FGF14: variants seen among roughly 807,000 people sequenced by gnomAD.
FGF14 encodes fibroblast growth factor homologous factor 4.
Under a neutral mutation model 25.5 loss-of-function variants are expected in FGF14, and 5 were observed. The observed-to-expected ratio is 0.20, with a 90% CI of 0.10 to 0.41. The LOEUF (loss-of-function observed/expected upper bound fraction) is 0.41, where lower values mean the gene tolerates loss of function less well. Ranked by LOEUF, FGF14 falls within the 10% of genes least tolerant of loss-of-function variation. The pLI, the probability that FGF14 is intolerant of heterozygous loss-of-function variation, is 1.00. For missense variants in FGF14, 222 were observed against 320.1 expected (o/e 0.69, Z 2.34); for synonymous variants, 138 against 118.3 (o/e 1.17, Z -1.08).
intron 1 of FGF14, among the ~76,000 whole-genome samples, chr13:102,300,995 A>G (rs1321154195): frequency 6.6e-6 from 1 of 151,978 alleles, no homozygotes; most frequent in Non-Finnish European, 1.5e-5. Context: ...CAAATTGATA[A>G]TCACTATATA....
chr13:101,833,396 A>C (rs924178139), intron 3 of FGF14, among the ~76,000 whole-genome samples: 5 of 152,112 alleles, frequency 3.3e-5, no homozygotes, highest in Non-Finnish European at 5.9e-5. Flanking sequence ...TATTTTCAAC[A>C]GCGTTGACTG....
chr13:101,940,865 A>C (rs2035405154), intron 1 of FGF14, among the ~76,000 whole-genome samples: 1 of 152,220 alleles, frequency 6.6e-6, no homozygotes, highest in African/African-American at 2.4e-5. Context: ...TTTTTTAAAA[A>C]ATATTTTTCA....
intron 3 of FGF14, among the ~76,000 whole-genome samples, chr13:101,868,059 A>G (rs931838429): frequency 2.0e-5 from 3 of 152,136 alleles, no homozygotes; most frequent in African/African-American, 7.2e-5. Context: ...TGCATTTAAG[A>G]CTTTATCAAT....
intron 1 of FGF14, among the ~76,000 whole-genome samples, chr13:102,119,803 A>C (rs1777203386): frequency 6.6e-6 from 1 of 152,222 alleles, no homozygotes; most frequent in East Asian, 1.9e-4. Flanking sequence ...TTATTGTTCC[A>C]GTTTTTAAAT....
At chr13:102,330,299 G>A (rs186572829) in intron 1 of FGF14, among the ~76,000 whole-genome samples, 26 of 152,190 alleles carry the variant, frequency 1.7e-4, no homozygotes, top group Admixed American at 1.1e-3. Context: ...CCTATCCGCT[G>A]CCTTCCTTCC....
chr13:102,097,575 A>C (rs1180141923), intron 1 of FGF14, among the ~76,000 whole-genome samples: 1 of 152,146 alleles, frequency 6.6e-6, no homozygotes, highest in Non-Finnish European at 1.5e-5. Context: ...AAAGAGTCCA[A>C]AATCTTAGAC....
intron 1 of FGF14, among the ~76,000 whole-genome samples, chr13:102,273,902 C>A (rs1470650742): frequency 2.1e-5 from 3 of 141,710 alleles, no homozygotes; most frequent in African/African-American, 5.3e-5. Flanking sequence ...TTGCACCACT[C>A]TACTCCAACC....
chr13:102,056,087 T>G (rs1186491530), intron 1 of FGF14, among the ~76,000 whole-genome samples: 1 of 152,204 alleles, frequency 6.6e-6, no homozygotes, highest in Non-Finnish European at 1.5e-5. Flanking sequence ...AGGATGAGAT[T>G]TGGGTGGGGA....
intron 3 of FGF14, among the ~76,000 whole-genome samples, chr13:101,792,425 C>CT (rs1223487057): frequency 1.3e-5 from 2 of 152,178 alleles, no homozygotes; most frequent in African/African-American, 4.8e-5. Flanking sequence ...TCATCACTGC[C>CT]TATCTTGAGG....
At chr13:101,771,369 C>T (rs1048494609) in intron 3 of FGF14, among the ~76,000 whole-genome samples, 1 of 120,312 alleles carries the variant, frequency 8.3e-6, no homozygotes, top group East Asian at 2.0e-4. Context: ...TGAAAAATGC[C>T]CCCCCACCCA....
At chr13:101,973,809 C>A (rs1566518121) in intron 1 of FGF14, among the ~76,000 whole-genome samples, 1 of 152,202 alleles carries the variant, frequency 6.6e-6, no homozygotes, top group Non-Finnish European at 1.5e-5. Context: ...CTCACAGACA[C>A]ACCCAGGATC....
At chr13:101,927,472 A>C (rs2034444316) in intron 1 of FGF14, among the ~76,000 whole-genome samples, 1 of 152,192 alleles carries the variant, frequency 6.6e-6, no homozygotes, top group Admixed American at 6.5e-5. Context: ...ATTTAGTTCT[A>C]GCAGGACAAG....
chr13:101,826,601 A>G (rs2042404004), intron 3 of FGF14, among the ~76,000 whole-genome samples: 1 of 152,060 alleles, frequency 6.6e-6, no homozygotes, highest in South Asian at 2.1e-4. Flanking sequence ...TTCTAATTAA[A>G]ATAAATAGAA....
At chr13:102,020,009 G>A (rs906555628) in intron 1 of FGF14, among the ~76,000 whole-genome samples, 1 of 152,090 alleles carries the variant, frequency 6.6e-6, no homozygotes, top group African/African-American at 2.4e-5. Flanking sequence ...AGACTGCATT[G>A]TGTAACATAT....
chr13:102,247,945 T>C (rs2051966561), intron 1 of FGF14, among the ~76,000 whole-genome samples: 1 of 152,148 alleles, frequency 6.6e-6, no homozygotes. Context: ...TGCAGGAATG[T>C]GGATGGAGCT....
chr13:102,188,260 A>G (rs1016562166), intron 1 of FGF14, among the ~76,000 whole-genome samples: 1 of 152,238 alleles, frequency 6.6e-6, no homozygotes, highest in Non-Finnish European at 1.5e-5. Context: ...CATGTTATGA[A>G]TAACATAAAA....
chr13:101,912,386 C>A (rs978287082), intron 1 of FGF14, among the ~76,000 whole-genome samples: 18 of 152,084 alleles, frequency 1.2e-4, no homozygotes, highest in African/African-American at 4.3e-4. Flanking sequence ...AGCAGCCATG[C>A]CAAAGATTTA....
chr13:102,149,362 A>C (rs7984579), intron 1 of FGF14, among the ~76,000 whole-genome samples: 4,262 of 152,224 alleles, frequency 0.028, 213 homozygotes, highest in African/African-American at 0.098. Flanking sequence ...GAAGGATAAG[A>C]TAAAATAAGT....
rs552150132 is a variant in FGF14 at position 101,984,826 on chromosome 13, G to C, written c.209-109530C>G. ...GTGATATTTGTGGGGACACAGGCTT[G>C]AGTTGTGAAAATATTACAATTATAT... is the stretch of plus-strand genomic sequence containing the variant. On this transcript the variant is annotated intron_variant, in intron 1 of 4. Coordinates refer to the FGF14 transcript ENST00000376131. Among the ~76,000 whole-genome samples the C allele has an allele frequency of 2.6e-5, 4 of 152,200 alleles. No individual in the cohort carries two copies. In the East Asian group the frequency reaches 7.7e-4, roughly 29 times the overall value.
Sources: allele counts gnomAD v4.1 joint callset (sites outside exome capture counted in the v4.1 genomes callset), GRCh38; gene constraint gnomAD v4.1.1; transcripts MANE v1.5; gene names NCBI Gene and HGNC (gene_info 2026-07-23, HGNC 2026-07-21).